The following NR4A1 variants were observed in gnomAD, a reference collection of about 807,000 sequenced individuals.
NR4A1 encodes the protein nuclear receptor subfamily 4immunitygroup A member 1.
Under a neutral mutation model 47.5 loss-of-function variants are expected in NR4A1, and 24 were observed. That is an observed-to-expected ratio of 0.50 (90% CI 0.37 to 0.71). NR4A1 has a LOEUF of 0.71. Ranked by LOEUF, NR4A1 falls within the 30% of genes least tolerant of loss-of-function variation. The pLI is 0.00. For missense variants in NR4A1, 669 were observed against 788.6 expected (o/e 0.85, Z 1.82); for synonymous variants, 353 against 345.7 (o/e 1.02, Z -0.24).
chr12:52,027,539 A>T (rs568455483), intron 1 of NR4A1, among the ~76,000 whole-genome samples: 49 of 152,342 alleles, frequency 3.2e-4, no homozygotes, highest in African/African-American at 1.2e-3. Context: ...AAGCACTTGG[A>T]TCTCTGCAGA....
At chr12:52,036,840 C>T (rs1018557474) in intron 1 of NR4A1, among the ~76,000 whole-genome samples, 2 of 152,246 alleles carry the variant, frequency 1.3e-5, no homozygotes, top group African/African-American at 4.8e-5. Flanking sequence ...GGGCCTCGCT[C>T]TTTCCACCTC....
chr12:52,053,930 GCTGC>G lies in NR4A1; in HGVS notation c.-2-394_-2-391del, dbSNP rs148950229. ...GGGAGCTGGGCTGAGGCTTTGCTGG[GCTGC>G]CTCTCCCACTCACCCTTCTCCCGGC... On this transcript the variant is annotated intron_variant, in intron 1 of 6. Coordinates refer to ENST00000394825, the MANE Select transcript of NR4A1 (RefSeq NM_173157.3). 1.8e-3 allele frequency: 368 copies of G among 206,096 alleles called. 2 individuals are homozygous for G. Among genetic ancestry groups the G allele is most frequent in the African/African-American group, 7.8e-3 (339 of 43,238 alleles). The allele number at this position is 206,096 out of a possible 1,614,324, so 12.8% of individuals were successfully genotyped here. A position where few individuals can be genotyped will look rare whatever the true frequency, so the allele number is the denominator to read the frequency against.
chr12:52,039,390 C>T (rs1035211523), intron 1 of NR4A1, among the ~76,000 whole-genome samples: 1 of 152,204 alleles, frequency 6.6e-6, no homozygotes, highest in African/African-American at 2.4e-5. Context: ...GACTAAAATA[C>T]TTGCTAGGAA....
chr12:52,054,195 G>T, intron 1 of NR4A1, 132 bp from the exon 2 acceptor site: 2 of 745,056 alleles, frequency 2.7e-6, no homozygotes, highest in South Asian at 3.8e-5. Flanking sequence ...CTCTGGTCCC[G>T]GTGCCTCTGT....
chr12:52,052,777 C>A, intron 1 of NR4A1: 2 of 552,682 alleles, frequency 3.6e-6, no homozygotes, highest in South Asian at 7.9e-5. Context: ...CAGTTCTGCC[C>A]AACTGCTGTC....
chr12:52,057,227 C>T lies in NR4A1; in HGVS notation c.1329C>T (p.Phe443=), dbSNP rs1939320736. The change falls in exon 5 of 7, where the codon TTC becomes TTT. Residue 443 remains phenylalanine, a synonymous_variant. Transcript: ENST00000394825. ...AGGACCTGTTGCTGGAGTCGGCCTT[C>T]CTGGAGCTCTTCATCCTCCGCCTGG... is the stretch of plus-strand genomic sequence containing the variant. ...ADQDLLLESA[F]LELFILRLAY... 1.9e-6 allele frequency: 3 copies of T among 1,613,800 alleles called. No homozygotes were observed. Among genetic ancestry groups the T allele is most frequent in the Non-Finnish European group, 2.5e-6 (3 of 1,179,886 alleles).
At chr12:52,035,843 C>T (rs1053859571) in intron 1 of NR4A1, among the ~76,000 whole-genome samples, 3 of 152,108 alleles carry the variant, frequency 2.0e-5, no homozygotes, top group African/African-American at 7.2e-5. Flanking sequence ...AATGCAGCCC[C>T]TGGAATGAGG....
intron 2 of NR4A1, among the ~76,000 whole-genome samples, chr12:52,045,311 C>A (rs1394538877): frequency 1.3e-5 from 2 of 152,254 alleles, no homozygotes; most frequent in African/African-American, 4.8e-5. Flanking sequence ...CTGCAGGCTG[C>A]TGTGGTTGTC....
chr12:52,037,898 A>G, intron 1 of NR4A1: 1 of 962,454 alleles, frequency 1.0e-6, no homozygotes, highest in South Asian at 4.9e-5. Context: ...TGTGTCTCCC[A>G]GGCGTGTTTT....
At chr12:52,028,827 C>T (rs985619221) in intron 1 of NR4A1, among the ~76,000 whole-genome samples, 1 of 151,994 alleles carries the variant, frequency 6.6e-6, no homozygotes, top group Non-Finnish European at 1.5e-5. Flanking sequence ...TACTTGAACC[C>T]GGGAAGCGGA....
At chr12:52,025,469 C>G (rs1163181129) in intron 1 of NR4A1, among the ~76,000 whole-genome samples, 2 of 152,176 alleles carry the variant, frequency 1.3e-5, no homozygotes, top group Non-Finnish European at 2.9e-5. Context: ...TGGCCTTTCC[C>G]CGGGTAGGGG....
intron 2 of NR4A1, chr12:52,045,388 T>C: frequency 3.0e-6 from 1 of 329,614 alleles, no homozygotes; most frequent in Non-Finnish European, 6.3e-6. Context: ...TTGGTATATG[T>C]CGGGGTCCTG....
At chr12:52,051,154 C>G (rs1372020791), upstream of NR4A1, among the ~76,000 whole-genome samples, 1 of 152,228 alleles carries the variant, frequency 6.6e-6, no homozygotes, top group Non-Finnish European at 1.5e-5. Context: ...CTATTTTTAG[C>G]GGGCGCGGCG....
At chr12:52,030,773 G>A (rs1475786319) in intron 1 of NR4A1, among the ~76,000 whole-genome samples, 1 of 152,006 alleles carries the variant, frequency 6.6e-6, no homozygotes, top group East Asian at 1.9e-4. Context: ...CTAAAATAGT[G>A]CCCACCTTAG....
intron 1 of NR4A1, among the ~76,000 whole-genome samples, chr12:52,036,898 GC>G (rs1264152040): frequency 1.2e-4 from 18 of 152,222 alleles, no homozygotes; most frequent in African/African-American, 3.6e-4. Context: ...AGCCCCAGGT[GC>G]CCAGCCTCGG....
rs895599396 is a variant in NR4A1 at position 52,045,495 on chromosome 12, G to T, written c.37+3566G>T. 14 of 451,678 alleles carry T rather than the reference G, an allele frequency of 3.1e-5. No individual in the cohort carries two copies. The East Asian group carries it at 8.4e-4, about 27-fold the overall frequency. 28.0% of individuals were successfully genotyped at this position (451,678 alleles called of 1,614,324 possible). On this transcript the variant is annotated intron_variant, in intron 2 of 7. Transcript: ENST00000360284. ...GCCATTACAGGTTTCCCATGACAGT[G>T]GGGGAGCCCAGGCCCCAGGCAGTGC...
chr12:52,052,781 T>A, intron 1 of NR4A1: 1 of 547,088 alleles, frequency 1.8e-6, no homozygotes, highest in Non-Finnish European at 2.3e-6. Context: ...TCTGCCCAAC[T>A]GCTGTCTTTC....
At chr12:52,025,585 A>T (rs561169219) in intron 1 of NR4A1, among the ~76,000 whole-genome samples, 10 of 152,248 alleles carry the variant, frequency 6.6e-5, no homozygotes, top group African/African-American at 2.4e-4. Flanking sequence ...ATTCGCTAGC[A>T]GCTCACCCGG....
intron 1 of NR4A1, among the ~76,000 whole-genome samples, chr12:52,040,348 G>C (rs1047797556): frequency 2.6e-5 from 4 of 152,204 alleles, no homozygotes; most frequent in African/African-American, 9.6e-5. Flanking sequence ...GAAGACCTGG[G>C]CACTCAGGTT....
Sources: gnomAD v4.1 joint callset for allele counts (sites outside exome capture counted in the v4.1 genomes callset) on GRCh38, gnomAD v4.1.1 for gene constraint, MANE v1.5 for transcripts, NCBI Gene and HGNC (gene_info 2026-07-23, HGNC 2026-07-21) for gene names.